Variants in WDFY2 observed in about 807,000 individuals in gnomAD.
WDFY2 encodes WD repeat and FYVE domain containing 2.
WDFY2 carries 36 observed loss-of-function variants against 56.4 expected under a neutral mutation model. The ratio of observed to expected loss-of-function variants is 0.64; its 90% CI spans 0.49 to 0.84. WDFY2 has a LOEUF of 0.84. Among genes scored for constraint, WDFY2 ranks in the 40% least tolerant of loss-of-function variants. The pLI is 0.00. For synonymous variants in WDFY2, 176 were observed against 183.7 expected, an observed-to-expected ratio of 0.96 and a Z score of 0.34; for missense variants, 444 against 512.2, an observed-to-expected ratio of 0.87 and a Z score of 1.29.
At chr13:51,698,185 A>T (rs1217829071) in intron 3 of WDFY2, among the ~76,000 whole-genome samples, 1 of 152,204 alleles carries the variant, frequency 6.6e-6, no homozygotes, top group Admixed American at 6.5e-5. Context: ...GCTATCTTTA[A>T]ACCAGAACCC....
chr13:51,648,971 A>T (rs1955314039), intron 1 of WDFY2, among the ~76,000 whole-genome samples: 1 of 152,088 alleles, frequency 6.6e-6, no homozygotes. Context: ...ATATGGTGAA[A>T]TCCCGTCTCT....
intron 1 of WDFY2, among the ~76,000 whole-genome samples, chr13:51,622,318 T>G (rs1418633690): frequency 6.6e-6 from 1 of 152,230 alleles, no homozygotes; most frequent in Non-Finnish European, 1.5e-5. Flanking sequence ...TTTAGTTAAT[T>G]TCTCTTTGTT....
At chr13:51,726,454 G>A (rs895529101) in intron 5 of WDFY2, among the ~76,000 whole-genome samples, 3 of 152,304 alleles carry the variant, frequency 2.0e-5, no homozygotes, top group Non-Finnish European at 2.9e-5. Context: ...GTCTCTGGGT[G>A]GATCTTTAGA....
At chr13:51,709,131 A>C (rs1236062301) in intron 4 of WDFY2, among the ~76,000 whole-genome samples, 1 of 152,252 alleles carries the variant, frequency 6.6e-6, no homozygotes, top group Non-Finnish European at 1.5e-5. Context: ...AAAGTACAGC[A>C]GACTTGAACA....
chr13:51,689,516 G>A (rs919675139), intron 3 of WDFY2, among the ~76,000 whole-genome samples: 5 of 152,124 alleles, frequency 3.3e-5, no homozygotes, highest in Admixed American at 2.0e-4. Flanking sequence ...TCTTGTTTCC[G>A]ACGCTTCCAT....
At chr13:51,688,966 A>C (rs913941897) in intron 3 of WDFY2, among the ~76,000 whole-genome samples, 1 of 152,204 alleles carries the variant, frequency 6.6e-6, no homozygotes, top group Non-Finnish European at 1.5e-5. Flanking sequence ...GCGGGGACAC[A>C]AAATACTTTA....
chr13:51,739,401 A>G (rs988586426), intron 7 of WDFY2, among the ~76,000 whole-genome samples: 3 of 152,198 alleles, frequency 2.0e-5, no homozygotes, highest in Admixed American at 6.5e-5. Context: ...AAACCATAAA[A>G]TAAAGTAATG....
At chr13:51,669,942 G>C (rs1955777821) in intron 2 of WDFY2, among the ~76,000 whole-genome samples, 1 of 152,168 alleles carries the variant, frequency 6.6e-6, no homozygotes, top group African/African-American at 2.4e-5. Flanking sequence ...AGTTTTGATA[G>C]AGGAAGTCAG....
At chr13:51,732,118 G>A (rs979485544) in intron 6 of WDFY2, among the ~76,000 whole-genome samples, 1 of 152,088 alleles carries the variant, frequency 6.6e-6, no homozygotes, top group African/African-American at 2.4e-5. Flanking sequence ...AAAGTAACTT[G>A]AACAGAGGAG....
chr13:51,647,439 G>A (rs981588229), intron 1 of WDFY2, among the ~76,000 whole-genome samples: 5 of 152,146 alleles, frequency 3.3e-5, no homozygotes, highest in Admixed American at 6.6e-5. Flanking sequence ...CATAAAAAGC[G>A]TAAGGTAAAA....
chr13:51,690,168 A>C (rs1302310175), intron 3 of WDFY2, among the ~76,000 whole-genome samples: 2 of 145,752 alleles, frequency 1.4e-5, no homozygotes, highest in Non-Finnish European at 3.0e-5. Context: ...AAATTTTTCC[A>C]TTTTGATTTA....
chr13:51,684,058 A>G (rs2138524221), intron 3 of WDFY2, among the ~76,000 whole-genome samples: 1 of 152,312 alleles, frequency 6.6e-6, no homozygotes, highest in East Asian at 1.9e-4. Flanking sequence ...CTCAGTTACC[A>G]GTGAATGTTT....
chr13:51,585,701 T>C (rs1953924085), intron 1 of WDFY2, among the ~76,000 whole-genome samples: 1 of 152,240 alleles, frequency 6.6e-6, no homozygotes, highest in Non-Finnish European at 1.5e-5. Context: ...AAAATCTATA[T>C]AAGCATTCTT....
At chr13:51,635,105 AT>A (rs543044734) in intron 1 of WDFY2, among the ~76,000 whole-genome samples, 11 of 148,172 alleles carry the variant, frequency 7.4e-5, no homozygotes, top group Non-Finnish European at 9.0e-5. Context: ...CGCCTGGCTA[AT>A]TTTTTTTTTG....
intron 7 of WDFY2, among the ~76,000 whole-genome samples, chr13:51,749,684 TAAG>T (rs1249184670): frequency 2.6e-5 from 4 of 152,060 alleles, no homozygotes; most frequent in African/African-American, 7.2e-5. Flanking sequence ...CATAGAAAAA[TAAG>T]AAGCAAACAT....
intron 1 of WDFY2, among the ~76,000 whole-genome samples, chr13:51,585,283 C>T (rs1443066827): frequency 6.6e-6 from 1 of 152,238 alleles, no homozygotes; most frequent in Admixed American, 6.5e-5. Context: ...ACTCCTTCTT[C>T]CCAGACATTC....
At chr13:51,630,316 A>G (rs941071671) in intron 1 of WDFY2, among the ~76,000 whole-genome samples, 2 of 152,188 alleles carry the variant, frequency 1.3e-5, no homozygotes, top group Non-Finnish European at 2.9e-5. Context: ...AGATTTCTGT[A>G]AGTGGAATTT....
intron 7 of WDFY2, among the ~76,000 whole-genome samples, chr13:51,746,472 G>A (rs1220179606): frequency 6.6e-6 from 1 of 152,214 alleles, no homozygotes; most frequent in South Asian, 2.1e-4. Context: ...TAAGTTGGCT[G>A]TATGAGTTCT....
intron 1 of WDFY2, chr13:51,585,992 A>G (rs556081019): frequency 3.0e-5 from 12 of 398,418 alleles, no homozygotes; most frequent in Non-Finnish European, 5.3e-5. Context: ...ATCATGCTCA[A>G]TACAAATGGC....
Sources: gnomAD v4.1 joint callset for allele counts (sites outside exome capture counted in the v4.1 genomes callset) on GRCh38, gnomAD v4.1.1 for gene constraint, MANE v1.5 for transcripts, NCBI Gene and HGNC (gene_info 2026-07-23, HGNC 2026-07-21) for gene names.